PPP1R21: variants seen among roughly 807,000 people sequenced by gnomAD.
PPP1R21 encodes the protein KLRAQ motif containing 1.
Under a neutral mutation model 112.8 loss-of-function variants are expected in PPP1R21, and 85 were observed. The observed-to-expected ratio is 0.75, with a 90% confidence interval of 0.63 to 0.90. The LOEUF (loss-of-function observed/expected upper bound fraction) is 0.90, where lower values mean the gene tolerates loss of function less well. Among genes scored for constraint, PPP1R21 ranks in the 40% least tolerant of loss-of-function variants. PPP1R21 has a pLI of 0.00. For missense variants in PPP1R21, 1,199 were observed against 901.5 expected (o/e 1.33, Z -4.23); for synonymous variants, 381 against 322.3 (o/e 1.18, Z -1.95).
chr2:48,453,626 T>A (rs1014206901), intron 2 of PPP1R21, among the ~76,000 whole-genome samples: 1 of 152,244 alleles, frequency 6.6e-6, no homozygotes, highest in Non-Finnish European at 1.5e-5. Flanking sequence ...TATTTCTCTT[T>A]AGTTTTCCAT....
At chr2:48,511,833 G>A (rs186338316) in intron 21 of PPP1R21, among the ~76,000 whole-genome samples, 1 of 151,934 alleles carries the variant, frequency 6.6e-6, no homozygotes, top group Admixed American at 6.5e-5. Context: ...ATTGTGCCAC[G>A]GCACTCCAGC....
At chr2:48,474,857 C>G (rs779906296) in intron 12 of PPP1R21, 38 bp downstream of exon 12, 206 of 1,581,018 alleles carry the variant, frequency 1.3e-4, no homozygotes, top group Non-Finnish European at 1.7e-4. Flanking sequence ...ACTTCAAGGA[C>G]TTAAGAGTAC....
rs770335379 is a variant in PPP1R21 at position 48,491,046 on chromosome 2, A to G, written c.1475A>G (p.Asp492Gly). Residue 492 changes from aspartate to glycine, a missense_variant, in exon 15 of 22, where the codon GAC (aspartate) becomes GGC (glycine). Asp to Gly is a moderately conservative substitution (Grantham distance 94). Coordinates refer to ENST00000294952, the MANE Select transcript of PPP1R21 (RefSeq NM_001135629.3). ...KIASFFSNNLDYFIASLSYGP... is the reference protein window; with the variant it reads ...KIASFFSNNLGYFIASLSYGP... ...GCATCCTTCTTCAGCAACAATTTGG[A>G]CTACTTCATTGCTTCACTGAGCTAT... 1.2e-6 allele frequency: 2 copies of G among 1,613,958 alleles called. No individual in the cohort carries two copies. The highest frequency in any genetic ancestry group is 4.5e-5 in the East Asian group (2 of 44,894).
At chr2:48,496,742 CAGTCGTGA>C (rs1380190545) in intron 16 of PPP1R21, among the ~76,000 whole-genome samples, 1 of 152,228 alleles carries the variant, frequency 6.6e-6, no homozygotes, top group African/African-American at 2.4e-5. Flanking sequence ...GCTGGGATTA[CAGTCGTGA>C]GCCATTGCGC....
intron 14 of PPP1R21, among the ~76,000 whole-genome samples, chr2:48,490,116 G>A (rs1170787397): frequency 2.0e-5 from 3 of 151,404 alleles, no homozygotes; most frequent in South Asian, 2.1e-4. Context: ...CTACTCAGGC[G>A]GCTGAGGCAG....
chr2:48,448,293 A>G (rs868585199), intron 1 of PPP1R21, among the ~76,000 whole-genome samples: 8 of 152,132 alleles, frequency 5.3e-5, no homozygotes, highest in African/African-American at 1.9e-4. Flanking sequence ...TTTTTTTGTT[A>G]TAATCAGTTA....
intron 1 of PPP1R21, 106 bp downstream of exon 1, chr2:48,441,116 C>T: frequency 1.3e-6 from 1 of 768,040 alleles, no homozygotes; most frequent in South Asian, 1.5e-5. Context: ...GGCACGCGAG[C>T]GCGCCCCACC....
rs192282963 is a variant in PPP1R21 at position 48,487,314 on chromosome 2, A to G, written c.1446+556A>G. Among the ~76,000 whole-genome samples, 3 of 152,314 alleles carry G rather than the reference A, an allele frequency of 2.0e-5. No individual in the cohort carries two copies. The East Asian group carries it at 5.8e-4, about 29-fold the overall frequency. On this transcript the variant is annotated intron_variant, in intron 14 of 21. Coordinates refer to ENST00000294952, the MANE Select transcript of PPP1R21 (RefSeq NM_001135629.3). ...TGTTTCTTTTTTGGTAATACTTGTG[A>G]TAATACTACCTCTGTGGTTTTGTAT...
chr2:48,452,277 G>A (rs1014792520), intron 2 of PPP1R21, among the ~76,000 whole-genome samples: 3 of 152,126 alleles, frequency 2.0e-5, no homozygotes, highest in Non-Finnish European at 4.4e-5. Context: ...AGTGGTAGGC[G>A]TGGTGACAGC....
At chr2:48,480,122 A>T in intron 13 of PPP1R21, 106 bp downstream of exon 13, 1 of 784,694 alleles carries the variant, frequency 1.3e-6, no homozygotes, top group Non-Finnish European at 2.3e-6. Flanking sequence ...ACCCCAGATA[A>T]AGGCTTATTA....
chr2:48,482,151 G>A (rs1370761327), intron 13 of PPP1R21, among the ~76,000 whole-genome samples: 1 of 152,048 alleles, frequency 6.6e-6, no homozygotes, highest in African/African-American at 2.4e-5. Flanking sequence ...GTAAACAGAG[G>A]GATTTATAAA....
At chr2:48,487,665 G>T (rs1669369278) in intron 14 of PPP1R21, among the ~76,000 whole-genome samples, 1 of 151,582 alleles carries the variant, frequency 6.6e-6, no homozygotes, top group African/African-American at 2.4e-5. Context: ...GGTGGCTGAG[G>T]TAGGAGGATT....
Position 48,460,140 on chromosome 2 carries a change from C to T in PPP1R21, c.586C>T (p.Arg196Ter). ...AAAGGAAGCCAAGGAATGTCGACTT[C>T]GAACGGAAGAATGGTATGTGGAAAC... ...LEKEAKECRL[R>*]TEECQLQLKT... The change falls in exon 6 of 22, where the codon CGA (arginine) becomes TGA (stop). Residue 196 changes from arginine (R) to a stop codon, truncating the protein, a stop_gained. Coordinates refer to ENST00000294952, the MANE Select transcript of PPP1R21 (RefSeq NM_001135629.3). LOFTEE classifies it high-confidence loss of function. The T allele has an allele frequency of 6.2e-7, 1 of 1,614,024 alleles. No individual in the cohort carries two copies. The highest frequency in any genetic ancestry group is 1.1e-5 in the South Asian group (1 of 91,068).
In PPP1R21 at chr2:48,471,364, A is replaced by G. The variant is rs891531628; in HGVS notation, c.1085A>G (p.Lys362Arg). 6.2e-7 allele frequency: 1 copy of G among 1,606,316 alleles called. No homozygotes were observed. The highest frequency in any genetic ancestry group is 1.7e-5 in the Admixed American group (1 of 58,308). Residue 362 changes from lysine to arginine, a missense_variant, in exon 11 of 22, where the codon AAA becomes AGA. Lys to Arg is a conservative substitution (Grantham distance 26). Coordinates refer to ENST00000294952, the MANE Select transcript of PPP1R21 (RefSeq NM_001135629.3). ...AGGAAGATTCTTCCCTATCAGTTAA[A>G]AAGGTAGTTACCCCCGGAGGCCAGG... ...FLRKILPYQL[K>R]SLEEECESSL...
rs112398264 is a variant in PPP1R21, at chr2:48,475,995, A to G, written c.1225+1176A>G. On this transcript the variant is annotated intron_variant, in intron 12 of 21. Coordinates refer to ENST00000294952, the MANE Select transcript of PPP1R21 (RefSeq NM_001135629.3). ...TACAATGTATTAATTAAAGTTTACA[A>G]TTCAGTGGTTTTTAGTATATTCACA... Among the ~76,000 whole-genome samples, 218 of 152,288 alleles carry G rather than the reference A, an allele frequency of 1.4e-3. 1 individual carries two copies. The highest frequency in any genetic ancestry group is 5.1e-3 in the African/African-American group (210 of 41,568).
intron 5 of PPP1R21, 61 bp from the exon 6 acceptor site, chr2:48,460,034 A>G: frequency 6.2e-7 from 1 of 1,603,798 alleles, no homozygotes; most frequent in Non-Finnish European, 8.5e-7. Context: ...GGGTCTTACT[A>G]AGTGTGCTCC....
chr2:48,473,232 G>C lies in PPP1R21; in HGVS notation c.1089-1451G>C, dbSNP rs763730038. The stretch of plus-strand genomic sequence containing the variant: ...AAATACTGGGAATCAGATAATTATG[G>C]CTTAAACTAATTATTATGAACTAAT... On this transcript the variant is annotated intron_variant, in intron 11 of 21. Coordinates refer to ENST00000294952, the MANE Select transcript of PPP1R21 (RefSeq NM_001135629.3). 2.2e-4 allele frequency among the ~76,000 whole-genome samples: 33 copies of C among 151,904 alleles called. 1 individual carries two copies. Among genetic ancestry groups the C allele is most frequent in the Non-Finnish European group, 4.9e-4 (33 of 67,954 alleles).
At chr2:48,500,663 C>G (rs1670069320) in intron 17 of PPP1R21, among the ~76,000 whole-genome samples, 1 of 152,162 alleles carries the variant, frequency 6.6e-6, no homozygotes, top group Non-Finnish European at 1.5e-5. Flanking sequence ...GTAATCCTAG[C>G]ACTTTGGAAG....
intron 2 of PPP1R21, among the ~76,000 whole-genome samples, chr2:48,452,197 G>A (rs1377073209): frequency 3.3e-5 from 5 of 152,154 alleles, no homozygotes; most frequent in African/African-American, 9.7e-5. Flanking sequence ...AGTAGCCTGC[G>A]CTGGTGTTTC....
Sources: allele counts gnomAD v4.1 joint callset (sites outside exome capture counted in the v4.1 genomes callset), GRCh38; gene constraint gnomAD v4.1.1; transcripts MANE v1.5; gene names NCBI Gene and HGNC (gene_info 2026-07-23, HGNC 2026-07-21).